The following CADM2 variants were observed in gnomAD, a reference collection of about 807,000 sequenced individuals.
CADM2 encodes cell adhesion molecule 2.
A neutral mutation model predicts 49.8 loss-of-function variants in CADM2; 12 were observed. The observed-to-expected ratio is 0.24, with a 90% CI of 0.15 to 0.39. CADM2 has a LOEUF of 0.39. Among genes scored for constraint, CADM2 ranks in the 10% least tolerant of loss-of-function variants. The pLI, the probability that CADM2 is intolerant of heterozygous loss-of-function variation, is 1.00. For missense variants in CADM2, 378 were observed against 492.3 expected (o/e 0.77, Z 2.20); for synonymous variants, 214 against 175.4 (o/e 1.22, Z -1.74).
At chr3:85,052,820 T>A (rs1271843544) in intron 1 of CADM2, among the ~76,000 whole-genome samples, 1 of 152,106 alleles carries the variant, frequency 6.6e-6, no homozygotes, top group Non-Finnish European at 1.5e-5. Flanking sequence ...CAATGTCTTT[T>A]ATATTACAAA....
intron 3 of CADM2, among the ~76,000 whole-genome samples, chr3:85,840,686 T>A (rs2074603234): frequency 6.6e-6 from 1 of 151,894 alleles, no homozygotes; most frequent in South Asian, 2.1e-4. Context: ...ACTTGCAGTA[T>A]CCCTTAGGAT....
chr3:85,977,510 T>G (rs2108658667), intron 8 of CADM2, among the ~76,000 whole-genome samples: 1 of 151,714 alleles, frequency 6.6e-6, no homozygotes, highest in Middle Eastern at 3.4e-3. Context: ...TATTTTCTAT[T>G]TTAGATAAGT....
intron 1 of CADM2, among the ~76,000 whole-genome samples, chr3:85,316,813 T>C (rs2044475777): frequency 1.3e-5 from 2 of 152,038 alleles, no homozygotes; most frequent in South Asian, 4.1e-4. Flanking sequence ...ATAGCAACTA[T>C]AACAAAAGCG....
intron 1 of CADM2, among the ~76,000 whole-genome samples, chr3:85,111,265 A>G (rs1264373117): frequency 1.3e-5 from 2 of 152,026 alleles, no homozygotes; most frequent in East Asian, 1.9e-4. Context: ...TCAAATTTAT[A>G]TAACATGGTC....
At chr3:86,060,324 C>T (rs11914992) in intron 8 of CADM2, among the ~76,000 whole-genome samples, 26,534 of 151,722 alleles carry the variant, frequency 0.17, 2,350 homozygotes, top group South Asian at 0.24. Flanking sequence ...ATCAATGAAA[C>T]CTTTCCCTAA....
chr3:85,517,023 A>G lies in CADM2; in HGVS notation c.62-209499A>G, dbSNP rs566172075. Among the ~76,000 whole-genome samples the G allele has an allele frequency of 3.3e-5, 5 of 152,102 alleles. No homozygotes were observed. The South Asian group carries it at 8.3e-4, about 25-fold the overall frequency. On this transcript the variant is annotated intron_variant, in intron 1 of 9. Coordinates refer to ENST00000383699, the MANE Select transcript of CADM2 (RefSeq NM_001167675.2). Reference sequence around the variant, plus strand: ...TATTTATGCACAATTTTCTAACAATATATTAGTATATAGTATACAGTATAA... The same window carrying G: ...TATTTATGCACAATTTTCTAACAATGTATTAGTATATAGTATACAGTATAA...
At chr3:85,209,759 A>T (rs533315573) in intron 1 of CADM2, among the ~76,000 whole-genome samples, 1 of 152,246 alleles carries the variant, frequency 6.6e-6, no homozygotes, top group Non-Finnish European at 1.5e-5. Flanking sequence ...AAGTGAACTA[A>T]CAACTTGATT....
In CADM2 at chr3:85,722,901, G is replaced by A. The variant is rs536231930; in HGVS notation, c.62-3621G>A. ...TAGACAGAGATACATCTTCCAAATA[G>A]CCAGACAAGTGTCTAATTTAAAACT... On this transcript the variant is annotated intron_variant, in intron 1 of 9. Transcript: ENST00000383699. Among the ~76,000 whole-genome samples, 70 of 152,170 alleles carry A rather than the reference G, an allele frequency of 4.6e-4. 1 individual carries two copies. Among genetic ancestry groups the A allele is most frequent in the African/African-American group, 1.6e-3 (68 of 41,536 alleles).
At chr3:85,877,306 T>G (rs1298692984) in intron 3 of CADM2, among the ~76,000 whole-genome samples, 1 of 152,150 alleles carries the variant, frequency 6.6e-6, no homozygotes, top group African/African-American at 2.4e-5. Flanking sequence ...TATTTTTAAA[T>G]AAAATGTTTG....
intron 1 of CADM2, among the ~76,000 whole-genome samples, chr3:85,269,523 A>C (rs945666187): frequency 6.6e-6 from 1 of 151,432 alleles, no homozygotes; most frequent in Admixed American, 6.6e-5. Flanking sequence ...GTGTTTAAAA[A>C]ATGACTCACA....
At chr3:86,065,493 T>TATTA in intron 8 of CADM2, 112 bp from the exon 9 acceptor site, 2 of 1,078,710 alleles carry the variant, frequency 1.9e-6, no homozygotes, top group Non-Finnish European at 2.6e-6. Context: ...CACGTTAATG[T>TATTA]ATTATTTAAC....
At chr3:85,533,779 CT>C (rs1257641996) in intron 1 of CADM2, among the ~76,000 whole-genome samples, 15 of 152,136 alleles carry the variant, frequency 9.9e-5, no homozygotes, top group African/African-American at 3.6e-4. Flanking sequence ...TGAGTTTGAT[CT>C]TTAGCCAGTT....
intron 1 of CADM2, among the ~76,000 whole-genome samples, chr3:85,550,678 C>T (rs1238123168): frequency 2.6e-5 from 4 of 152,124 alleles, no homozygotes; most frequent in Admixed American, 2.6e-4. Context: ...GTTCCTGCGT[C>T]CAAAAACCCT....
chr3:85,486,440 A>G (rs893797817), intron 1 of CADM2, among the ~76,000 whole-genome samples: 2 of 152,154 alleles, frequency 1.3e-5, no homozygotes, highest in African/African-American at 4.8e-5. Context: ...GCTTGGGAGA[A>G]AAGATTGTTA....
At chr3:85,456,485 A>C (rs1294891945) in intron 1 of CADM2, among the ~76,000 whole-genome samples, 1 of 152,158 alleles carries the variant, frequency 6.6e-6, no homozygotes, top group Non-Finnish European at 1.5e-5. Context: ...TATTCTGTGC[A>C]GTCTTAAGCA....
chr3:86,009,015 C>T (rs1349991657), intron 8 of CADM2, among the ~76,000 whole-genome samples: 1 of 150,106 alleles, frequency 6.7e-6, no homozygotes, highest in East Asian at 2.0e-4. Context: ...AAAATAAACA[C>T]TAAATAGTAT....
At chr3:86,015,957 C>T (rs529774664) in intron 8 of CADM2, among the ~76,000 whole-genome samples, 49 of 152,180 alleles carry the variant, frequency 3.2e-4, no homozygotes, top group African/African-American at 1.1e-3. Flanking sequence ...CTATGGAAAA[C>T]ATTGCTGTTA....
At chr3:85,538,772 T>G (rs1481893832) in intron 1 of CADM2, among the ~76,000 whole-genome samples, 2 of 152,118 alleles carry the variant, frequency 1.3e-5, no homozygotes, top group Admixed American at 6.6e-5. Context: ...CTGATGTACT[T>G]GGGTTTCTGC....
chr3:85,886,602 T>C lies in CADM2; in HGVS notation c.529+275T>C, dbSNP rs199660802. Among the ~76,000 whole-genome samples the C allele has an allele frequency of 3.3e-5, 5 of 152,150 alleles. No individual in the cohort carries two copies. The East Asian group carries it at 7.7e-4, about 23-fold the overall frequency. ...TTGAGGGAATAATTAAGTTAATATA[T>C]GAAGAAACATATAGATTCATACTTC... On this transcript the variant is annotated intron_variant, in intron 5 of 9. Transcript: ENST00000383699.
Sources: gnomAD v4.1 joint callset for allele counts (sites outside exome capture counted in the v4.1 genomes callset) on GRCh38, gnomAD v4.1.1 for gene constraint, MANE v1.5 for transcripts, NCBI Gene and HGNC (gene_info 2026-07-23, HGNC 2026-07-21) for gene names.